The following ANKFN1 variants were observed in gnomAD, a reference collection of about 807,000 sequenced individuals.
ANKFN1 encodes ankyrin repeat and fibronectin type III domain containing 1.
A neutral mutation model predicts 108.7 loss-of-function variants in ANKFN1; 74 were observed. That is an observed-to-expected ratio of 0.68 (90% CI 0.56 to 0.83). The LOEUF is 0.83. Ranked by LOEUF, ANKFN1 falls within the 40% of genes least tolerant of loss-of-function variation. The pLI is 0.00. For synonymous variants in ANKFN1, 547 were observed against 516.2 expected (o/e 1.06, Z -0.81); for missense variants, 1,505 against 1,382.3 (o/e 1.09, Z -1.41).
At chr17:56,291,580 G>GA (rs2044366014) in intron 3 of ANKFN1, among the ~76,000 whole-genome samples, 1 of 152,190 alleles carries the variant, frequency 6.6e-6, no homozygotes, top group South Asian at 2.1e-4. Context: ...TAGCTGGGCT[G>GA]ACCTGAACAC....
chr17:56,402,645 T>C lies in ANKFN1; in HGVS notation c.910+27931T>C, dbSNP rs147904709. ...TTATTTTTTCAAAGAACCAGCTTTT[T>C]GTTTCATTTATGTTTTGTATTTTTG... On this transcript the variant is annotated intron_variant, in intron 8 of 20. Transcript: ENST00000682825. Among the ~76,000 whole-genome samples, 662 of 152,128 alleles carry C rather than the reference T, an allele frequency of 4.4e-3. 5 individuals carry two copies. Among genetic ancestry groups the C allele is most frequent in the African/African-American group, 0.015 (621 of 41,520 alleles).
intron 8 of ANKFN1, among the ~76,000 whole-genome samples, chr17:56,398,591 A>G (rs2047658054): frequency 6.6e-6 from 1 of 152,168 alleles, no homozygotes; most frequent in Non-Finnish European, 1.5e-5. Context: ...ATGATCCTGC[A>G]TAAATTTAGT....
rs574106797 is a variant in ANKFN1, at chr17:56,448,614, A to G, written c.1100-465A>G. Among the ~76,000 whole-genome samples, 46 of 152,304 alleles carry G rather than the reference A, an allele frequency of 3.0e-4. No individual in the cohort carries two copies. In the South Asian group the frequency reaches 8.9e-3, roughly 29 times the overall value. On this transcript the variant is annotated intron_variant, in intron 10 of 20. Coordinates refer to ENST00000682825, the MANE Select transcript of ANKFN1 (RefSeq NM_001370326.1). The stretch of plus-strand genomic sequence containing the variant: ...TTGGAAAGAAATGTCAATTTGGCCA[A>G]AAGTGTGAAACCTACAATAAAAGCA...
At position 56,437,973 on chromosome 17, in the gene ANKFN1, G is replaced by GGGGTGTGTGTGT. The variant is rs1555653063; in HGVS notation, c.911-2353_911-2352insGGTGTGTGTGTG. 7.3e-3 allele frequency among the ~76,000 whole-genome samples: 1,043 copies of GGGGTGTGTGTGT among 142,242 alleles called. 15 individuals are homozygous for GGGGTGTGTGTGT. The highest frequency in any genetic ancestry group is 0.026 in the African/African-American group (977 of 37,618). 93.3% of individuals were successfully genotyped at this position (142,242 alleles called of 152,430 possible). A position where few individuals can be genotyped will look rare whatever the true frequency, so the allele number is the denominator to read the frequency against. On this transcript the variant is annotated intron_variant, in intron 8 of 20. Coordinates refer to ENST00000682825, the MANE Select transcript of ANKFN1 (RefSeq NM_001370326.1). ...GTGTTGGAAAAACTAATCTACTGTAGGTGTGTGTGTGTGTGTGTGTGTGTG... is the reference window on the plus strand; with the variant it reads ...GTGTTGGAAAAACTAATCTACTGTAGGGGTGTGTGTGTGTGTGTGTGTGTGTGTGTGTGTGTG...
At chr17:56,179,695 A>G (rs79381796) in intron 1 of ANKFN1, among the ~76,000 whole-genome samples, 3,966 of 152,254 alleles carry the variant, frequency 0.026, 156 homozygotes, top group African/African-American at 0.09. Flanking sequence ...TCACTTTACC[A>G]GTCCAAATCT....
At chr17:56,308,097 G>C (rs1476662981) in intron 3 of ANKFN1, among the ~76,000 whole-genome samples, 1 of 152,138 alleles carries the variant, frequency 6.6e-6, no homozygotes, top group Non-Finnish European at 1.5e-5. Context: ...TGGGATCGGG[G>C]GAGTGGGGAG....
chr17:56,375,171 G>C (rs2046913205), intron 8 of ANKFN1, among the ~76,000 whole-genome samples: 1 of 152,186 alleles, frequency 6.6e-6, no homozygotes, highest in Non-Finnish European at 1.5e-5. Flanking sequence ...GGTCAGGAAA[G>C]AGCAAGGGGA....
chr17:56,410,047 C>A (rs1399588346), intron 8 of ANKFN1, among the ~76,000 whole-genome samples: 1 of 152,012 alleles, frequency 6.6e-6, no homozygotes, highest in African/African-American at 2.4e-5. Context: ...AGAGGTAAAA[C>A]CCCAAATGAC....
At position 56,170,797 on chromosome 17, in the gene ANKFN1, T is replaced by C. The variant is rs1368983273; in HGVS notation, c.-71+17267T>C. Among the ~76,000 whole-genome samples, 35 of 62,666 alleles carry C rather than the reference T, an allele frequency of 5.6e-4. 1 individual carries two copies. In the South Asian group the frequency reaches 0.015, roughly 27 times the overall value. 41.1% of individuals were successfully genotyped at this position (62,666 alleles called of 152,430 possible). ...TTTTATATATATATATATATATATA[T>C]ATATATATATACACACACACACACA... is the stretch of plus-strand genomic sequence containing the variant. On this transcript the variant is annotated intron_variant, in intron 1 of 20. Transcript: ENST00000682825.
At chr17:56,251,180 C>T (rs2043227099) in intron 3 of ANKFN1, among the ~76,000 whole-genome samples, 1 of 152,136 alleles carries the variant, frequency 6.6e-6, no homozygotes. Flanking sequence ...CATTTGAGTC[C>T]AGGAGTTCGA....
intron 3 of ANKFN1, among the ~76,000 whole-genome samples, chr17:56,286,469 A>G (rs1476924561): frequency 6.6e-6 from 1 of 152,188 alleles, no homozygotes; most frequent in African/African-American, 2.4e-5. Flanking sequence ...AATATCTGGA[A>G]TAATCTGAAA....
intron 20 of ANKFN1, among the ~76,000 whole-genome samples, chr17:56,506,448 C>T (rs1430677292): frequency 6.6e-6 from 1 of 152,034 alleles, no homozygotes; most frequent in East Asian, 1.9e-4. Flanking sequence ...GTGGCATGCT[C>T]ACAAGAAATG....
At chr17:56,231,042 T>A (rs1916696885) in intron 3 of ANKFN1, among the ~76,000 whole-genome samples, 1 of 152,092 alleles carries the variant, frequency 6.6e-6, no homozygotes, top group African/African-American at 2.4e-5. Flanking sequence ...AATTGCATGG[T>A]GTGGCTAGGA....
At chr17:56,347,429 A>T (rs2046133942) in intron 4 of ANKFN1, among the ~76,000 whole-genome samples, 1 of 152,086 alleles carries the variant, frequency 6.6e-6, no homozygotes, top group East Asian at 1.9e-4. Context: ...GATGACATGA[A>T]TTCATAGAAT....
At chr17:56,185,398 A>C (rs936594502) in intron 1 of ANKFN1, among the ~76,000 whole-genome samples, 2 of 152,226 alleles carry the variant, frequency 1.3e-5, no homozygotes, top group Non-Finnish European at 2.9e-5. Context: ...ATTTTGCCAT[A>C]GGACAGGGTC....
intron 4 of ANKFN1, among the ~76,000 whole-genome samples, chr17:56,332,727 T>A (rs765281109): frequency 3.9e-5 from 6 of 152,102 alleles, no homozygotes; most frequent in Non-Finnish European, 8.8e-5. Flanking sequence ...TACTGTAGCT[T>A]CTTAGGGAGT....
At chr17:56,128,234 C>CT (rs34450862) in intron 4 of ANKFN1, among the ~76,000 whole-genome samples, 6,333 of 146,540 alleles carry the variant, frequency 0.043, 140 homozygotes, top group Middle Eastern at 0.082. Context: ...GCCAATAGCC[C>CT]TTTTTTTTTT....
At chr17:56,354,253 G>A (rs983223205) in intron 6 of ANKFN1, among the ~76,000 whole-genome samples, 6 of 152,108 alleles carry the variant, frequency 3.9e-5, no homozygotes, top group Admixed American at 6.6e-5. Context: ...AGAATATGCC[G>A]AATGGCATTA....
chr17:56,057,146 T>G (rs1198474180), intron 4 of ANKFN1, among the ~76,000 whole-genome samples: 3 of 152,192 alleles, frequency 2.0e-5, no homozygotes, highest in African/African-American at 7.2e-5. Context: ...ATTGCAGCAA[T>G]TCAGTCACAC....
Sources: allele counts gnomAD v4.1 joint callset (sites outside exome capture counted in the v4.1 genomes callset), GRCh38; gene constraint gnomAD v4.1.1; transcripts MANE v1.5; gene names NCBI Gene and HGNC (gene_info 2026-07-23, HGNC 2026-07-21).